The following GAREM1 variants were observed in gnomAD, a reference collection of about 807,000 sequenced individuals.
GAREM1 encodes GRB2 associated regulator of MAPK1 subtype 1, also known as GRB2-associated and regulator of MAPK protein 1.
Under a neutral mutation model 71.3 loss-of-function variants are expected in GAREM1, and 26 were observed. The observed-to-expected ratio is 0.36, with a 90% CI of 0.27 to 0.51. GAREM1 has a LOEUF of 0.51. Ranked by LOEUF, GAREM1 falls within the 20% of genes least tolerant of loss-of-function variation. GAREM1 has a pLI of 0.95. For synonymous variants in GAREM1, 440 were observed against 433.2 expected, an observed-to-expected ratio of 1.02 and a Z score of -0.20; for missense variants, 1,026 against 1,103.1, an observed-to-expected ratio of 0.93 and a Z score of 0.99.
At chr18:32,279,983 T>A (rs923019117) in intron 4 of GAREM1, among the ~76,000 whole-genome samples, 7 of 152,196 alleles carry the variant, frequency 4.6e-5, no homozygotes, top group Non-Finnish European at 7.3e-5. Context: ...GGAACTTAGG[T>A]ATGGCTTGCT....
intron 2 of GAREM1, among the ~76,000 whole-genome samples, chr18:32,323,566 A>G (rs972124843): frequency 1.6e-4 from 25 of 152,072 alleles, no homozygotes; most frequent in African/African-American, 5.3e-4. Context: ...CAACTTAGCC[A>G]AGTGTAGTGG....
At position 32,274,055 on chromosome 18, in the gene GAREM1, G is replaced by A. The variant is rs112522509; in HGVS notation, c.1567-3672C>T. On this transcript the variant is annotated intron_variant, in intron 4 of 5. Coordinates refer to ENST00000269209, the MANE Select transcript of GAREM1 (RefSeq NM_001242409.2). ...GCAGGTGAGGGGCAGCCCACGGCAG[G>A]TGGGCACAGCTGAGGACTCCACAGA... 2.9e-3 allele frequency among the ~76,000 whole-genome samples: 441 copies of A among 152,264 alleles called. 4 individuals are homozygous for A. The highest frequency in any genetic ancestry group is 0.01 in the African/African-American group (419 of 41,546).
At chr18:32,402,211 C>T (rs969661645) in intron 1 of GAREM1, among the ~76,000 whole-genome samples, 2 of 152,080 alleles carry the variant, frequency 1.3e-5, no homozygotes, top group Non-Finnish European at 1.5e-5. Flanking sequence ...AATGAGACAT[C>T]TAAAAGAAGT....
intron 1 of GAREM1, among the ~76,000 whole-genome samples, chr18:32,405,395 T>G (rs1261948699): frequency 6.6e-6 from 1 of 152,078 alleles, no homozygotes; most frequent in African/African-American, 2.4e-5. Flanking sequence ...ACAGGGTTTT[T>G]TCACGTTGGC....
chr18:32,349,138 A>C (rs2047724282), intron 2 of GAREM1, among the ~76,000 whole-genome samples: 1 of 152,218 alleles, frequency 6.6e-6, no homozygotes, highest in African/African-American at 2.4e-5. Context: ...AACTAGATCA[A>C]ATGCAGCAGA....
chr18:32,351,653 T>C (rs1035555337), intron 2 of GAREM1, among the ~76,000 whole-genome samples: 2 of 151,548 alleles, frequency 1.3e-5, no homozygotes, highest in East Asian at 3.9e-4. Context: ...TTCTAAAAAA[T>C]ATACAGAAAA....
At chr18:32,400,621 A>G (rs374106950) in intron 1 of GAREM1, among the ~76,000 whole-genome samples, 3 of 152,128 alleles carry the variant, frequency 2.0e-5, no homozygotes, top group African/African-American at 4.8e-5. Context: ...AAACCACAAT[A>G]AGATACCATC....
chr18:32,345,207 G>C (rs2047683442), intron 2 of GAREM1, among the ~76,000 whole-genome samples: 1 of 152,166 alleles, frequency 6.6e-6, no homozygotes, highest in African/African-American at 2.4e-5. Flanking sequence ...CCAAAGGATA[G>C]ACTAATCATA....
intron 1 of GAREM1, among the ~76,000 whole-genome samples, chr18:32,431,074 AAGAATTGAAC>A (rs1358510147): frequency 1.3e-5 from 2 of 152,186 alleles, no homozygotes; most frequent in Non-Finnish European, 2.9e-5. Flanking sequence ...CAAATGCTTT[AAGAATTGAAC>A]TGCAGTACAG....
chr18:32,434,454 C>G (rs913645946), intron 1 of GAREM1, among the ~76,000 whole-genome samples: 4 of 152,020 alleles, frequency 2.6e-5, no homozygotes, highest in African/African-American at 9.7e-5. Flanking sequence ...GCAGGGGCAT[C>G]TTGTGCTGTG....
chr18:32,457,206 G>GGAGA (rs143878009), intron 1 of GAREM1, among the ~76,000 whole-genome samples: 58 of 101,764 alleles, frequency 5.7e-4, no homozygotes, highest in African/African-American at 1.3e-3. Context: ...GTGTAGGGGG[G>GGAGA]GAGAGAGAGA....
At chr18:32,347,565 T>C (rs1293310241) in intron 2 of GAREM1, among the ~76,000 whole-genome samples, 1 of 152,144 alleles carries the variant, frequency 6.6e-6, no homozygotes, top group Non-Finnish European at 1.5e-5. Flanking sequence ...AAAACAGTCT[T>C]TTCAAAGGCG....
intron 1 of GAREM1, among the ~76,000 whole-genome samples, chr18:32,415,600 T>C (rs1162932411): frequency 3.3e-5 from 5 of 152,072 alleles, no homozygotes; most frequent in Admixed American, 3.3e-4. Flanking sequence ...ACACATCATA[T>C]CAACAGAATG....
chr18:32,405,399 C>T (rs775395158), intron 1 of GAREM1, among the ~76,000 whole-genome samples: 6 of 152,010 alleles, frequency 3.9e-5, no homozygotes, highest in Non-Finnish European at 7.4e-5. Flanking sequence ...GGTTTTTTCA[C>T]GTTGGCCAGG....
chr18:32,354,269 T>G (rs1567976259), intron 2 of GAREM1, among the ~76,000 whole-genome samples: 1 of 152,330 alleles, frequency 6.6e-6, no homozygotes, highest in East Asian at 1.9e-4. Flanking sequence ...TTTGAAAGTA[T>G]GAACGCATCA....
chr18:32,358,065 C>A (rs1044216735), intron 2 of GAREM1, among the ~76,000 whole-genome samples: 4 of 151,928 alleles, frequency 2.6e-5, no homozygotes, highest in Non-Finnish European at 4.4e-5. Flanking sequence ...AAGCTATTAC[C>A]CCTTAGTTAG....
Position 32,268,295 on chromosome 18 carries a change from T to C in GAREM1, c.2207A>G (p.Lys736Arg). Residue 736 changes from lysine (K) to arginine (R), a missense_variant, in exon 6 of 6, where the codon AAG becomes AGG. Transcript: ENST00000269209. ...PPRAPKLVEE[K>R]VASETSPLPL... is the part of the protein sequence containing the mutation. ...CAAAGGAGATGTTTCGGAGGCGACC[T>C]TCTCTTCCACTAGTTTTGGAGCCCT... The C allele has an allele frequency of 6.2e-7, 1 of 1,614,136 alleles. No homozygotes were observed. Among genetic ancestry groups the C allele is most frequent in the Non-Finnish European group, 8.5e-7 (1 of 1,180,012 alleles).
chr18:32,273,100 G>A (rs928141215), intron 4 of GAREM1, among the ~76,000 whole-genome samples: 8 of 152,194 alleles, frequency 5.3e-5, no homozygotes, highest in East Asian at 3.8e-4. Context: ...GAAATAGGGC[G>A]CATGGAAAAT....
At chr18:32,408,826 T>C (rs1217895465) in intron 1 of GAREM1, among the ~76,000 whole-genome samples, 1 of 152,192 alleles carries the variant, frequency 6.6e-6, no homozygotes, top group Admixed American at 6.5e-5. Context: ...GAAAGGTTTT[T>C]TCCTTTGTAT....
Sources: gnomAD v4.1 joint callset for allele counts (sites outside exome capture counted in the v4.1 genomes callset) on GRCh38, gnomAD v4.1.1 for gene constraint, MANE v1.5 for transcripts, NCBI Gene and HGNC (gene_info 2026-07-23, HGNC 2026-07-21) for gene names.